The following C8orf34 variants were observed in gnomAD, a reference collection of about 807,000 sequenced individuals.
The protein encoded by C8orf34 is uncharacterized protein C8orf34.
In C8orf34, 65 loss-of-function variants were observed where a neutral mutation model predicts 68.3. The ratio of observed to expected loss-of-function variants is 0.95; its 90% CI spans 0.78 to 1.17. C8orf34 has a LOEUF of 1.17. Among genes scored for constraint, C8orf34 ranks in the 50% most tolerant of loss-of-function variants. C8orf34 has a pLI of 0.00. For synonymous variants in C8orf34, 244 were observed against 241.2 expected (o/e 1.01, Z -0.11); for missense variants, 664 against 655.4 (o/e 1.01, Z -0.14).
intron 12 of C8orf34, among the ~76,000 whole-genome samples, chr8:68,805,977 C>A (rs542825593): frequency 6.6e-6 from 1 of 151,488 alleles, no homozygotes; most frequent in Non-Finnish European, 1.5e-5. Flanking sequence ...TCTATTTTAG[C>A]TTGAAGGTTA....
chr8:68,786,288 T>C (rs1370412911), intron 11 of C8orf34, among the ~76,000 whole-genome samples: 1 of 152,190 alleles, frequency 6.6e-6, no homozygotes, highest in Non-Finnish European at 1.5e-5. Context: ...CCTTCCTTTT[T>C]ACCCTTCGTC....
Position 68,330,993 on chromosome 8 carries a change from C to A in C8orf34, c.-20C>A. On this transcript the variant is annotated 5_prime_UTR_variant, in exon 1 of 14. Coordinates refer to ENST00000518698, the MANE Select transcript of C8orf34 (RefSeq NM_052958.4). ...CTGCGGAGAGCGGCGAGGGTGGGCG[C>A]GAGGCGGAGAACGCGATGAATGAGT... is the stretch of plus-strand genomic sequence containing the variant. 1 of 1,385,602 alleles carries A rather than the reference C, an allele frequency of 7.2e-7. No homozygotes were observed. Among genetic ancestry groups the A allele is most frequent in the South Asian group, 1.6e-5 (1 of 61,298 alleles). The allele number at this position is 1,385,602 out of a possible 1,614,324, so 85.8% of individuals were successfully genotyped here. A position where few individuals can be genotyped will look rare whatever the true frequency, so the allele number is the denominator to read the frequency against.
intron 8 of C8orf34, among the ~76,000 whole-genome samples, chr8:68,651,760 G>T (rs922300870): frequency 6.6e-6 from 1 of 152,146 alleles, no homozygotes; most frequent in East Asian, 1.9e-4. Flanking sequence ...AAGTGGGGAG[G>T]TTTGGCGAGG....
intron 8 of C8orf34, among the ~76,000 whole-genome samples, chr8:68,700,785 G>C (rs1470702748): frequency 6.6e-6 from 1 of 151,994 alleles, no homozygotes; most frequent in Non-Finnish European, 1.5e-5. Flanking sequence ...ACTTTTTTAA[G>C]GCTTCAAAAT....
intron 1 of C8orf34, among the ~76,000 whole-genome samples, chr8:68,339,647 T>C (rs1212176244): frequency 6.6e-6 from 1 of 152,004 alleles, no homozygotes; most frequent in Non-Finnish European, 1.5e-5. Context: ...GCAGTATTGG[T>C]GTAAATTGAA....
intron 8 of C8orf34, among the ~76,000 whole-genome samples, chr8:68,654,185 C>A (rs1489380981): frequency 6.6e-6 from 1 of 152,074 alleles, no homozygotes. Context: ...TGAGGATATA[C>A]AGAAGGCACT....
At chr8:68,433,469 T>C (rs1810532254) in intron 1 of C8orf34, among the ~76,000 whole-genome samples, 1 of 152,216 alleles carries the variant, frequency 6.6e-6, no homozygotes, top group Admixed American at 6.5e-5. Context: ...GGTTTTAACT[T>C]TGTTTCCTAA....
chr8:68,771,482 G>A (rs967365067), intron 10 of C8orf34, among the ~76,000 whole-genome samples: 1 of 152,128 alleles, frequency 6.6e-6, no homozygotes, highest in African/African-American at 2.4e-5. Flanking sequence ...TGAAGATACA[G>A]CACACATTTC....
At chr8:68,613,250 G>A (rs1818076932) in intron 7 of C8orf34, among the ~76,000 whole-genome samples, 1 of 151,904 alleles carries the variant, frequency 6.6e-6, no homozygotes, top group African/African-American at 2.4e-5. Context: ...TTTATCTTGT[G>A]GAGAAGACTT....
intron 1 of C8orf34, among the ~76,000 whole-genome samples, chr8:68,344,469 A>G (rs1806199073): frequency 6.6e-6 from 1 of 152,202 alleles, no homozygotes; most frequent in Non-Finnish European, 1.5e-5. Flanking sequence ...AAAATGTTCT[A>G]TATCCTGATT....
At chr8:68,699,999 G>T (rs1820941684) in intron 8 of C8orf34, among the ~76,000 whole-genome samples, 1 of 152,080 alleles carries the variant, frequency 6.6e-6, no homozygotes, top group African/African-American at 2.4e-5. Flanking sequence ...TCTTGCGAAT[G>T]AGAGAGAATT....
At chr8:68,669,354 A>G (rs1243788664) in intron 8 of C8orf34, among the ~76,000 whole-genome samples, 3 of 152,138 alleles carry the variant, frequency 2.0e-5, no homozygotes, top group African/African-American at 7.2e-5. Context: ...AAAATATTAG[A>G]GTCTTAAAAA....
chr8:68,763,128 A>T (rs561492217), intron 10 of C8orf34, among the ~76,000 whole-genome samples: 10 of 152,158 alleles, frequency 6.6e-5, no homozygotes, highest in South Asian at 2.1e-4. Context: ...TTTTCAGTTC[A>T]TGCTACAATA....
intron 7 of C8orf34, among the ~76,000 whole-genome samples, chr8:68,607,492 GT>G (rs1337094456): frequency 6.6e-6 from 1 of 152,058 alleles, no homozygotes; most frequent in Non-Finnish European, 1.5e-5. Context: ...GTGACACTGG[GT>G]TAGGGCCTAC....
chr8:68,366,595 A>C (rs1018557087), intron 1 of C8orf34, among the ~76,000 whole-genome samples: 1 of 151,584 alleles, frequency 6.6e-6, no homozygotes, highest in African/African-American at 2.4e-5. Context: ...ATAACACCGC[A>C]TACCTACAAC....
chr8:68,714,935 C>T lies in C8orf34; in HGVS notation c.1327+5856C>T, dbSNP rs142531949. Reference sequence around the variant, plus strand: ...GTATTATAAAAATAGGCACGTAAACCACTGGAACAGAATAGAGAACCCAGA... The same window carrying T: ...GTATTATAAAAATAGGCACGTAAACTACTGGAACAGAATAGAGAACCCAGA... On this transcript the variant is annotated intron_variant, in intron 9 of 13. Coordinates refer to ENST00000518698, the MANE Select transcript of C8orf34 (RefSeq NM_052958.4). Among the ~76,000 whole-genome samples the T allele has an allele frequency of 4.4e-3, 675 of 152,176 alleles. 11 individuals are homozygous for T. The highest frequency in any genetic ancestry group is 0.015 in the African/African-American group (636 of 41,522).
At chr8:68,416,771 C>G (rs768568587) in intron 1 of C8orf34, among the ~76,000 whole-genome samples, 5 of 151,958 alleles carry the variant, frequency 3.3e-5, no homozygotes, top group Non-Finnish European at 7.4e-5. Flanking sequence ...CTTCACGTGA[C>G]CCGCCCATCT....
intron 1 of C8orf34, among the ~76,000 whole-genome samples, chr8:68,405,024 G>T (rs935081651): frequency 3.3e-5 from 5 of 152,034 alleles, no homozygotes; most frequent in African/African-American, 1.2e-4. Context: ...CCATTTGTTT[G>T]TGTCCTCTCT....
intron 12 of C8orf34, among the ~76,000 whole-genome samples, chr8:68,802,124 G>A (rs988707332): frequency 6.6e-5 from 10 of 151,690 alleles, no homozygotes; most frequent in African/African-American, 9.7e-5. Flanking sequence ...TTTTGAGATG[G>A]AGTTTTGCTC....
Sources: allele counts gnomAD v4.1 joint callset (sites outside exome capture counted in the v4.1 genomes callset), GRCh38; gene constraint gnomAD v4.1.1; transcripts MANE v1.5; gene names NCBI Gene and HGNC (gene_info 2026-07-23, HGNC 2026-07-21).